The following NUP85 variants were observed in gnomAD, a reference collection of about 807,000 sequenced individuals.
NUP85 encodes nuclear pore complex protein Nup85.
A neutral mutation model predicts 92.8 loss-of-function variants in NUP85; 23 were observed. The observed-to-expected ratio is 0.25, with a 90% CI of 0.18 to 0.35. The LOEUF is 0.35. Ranked by LOEUF, NUP85 falls within the 10% of genes least tolerant of loss-of-function variation. The pLI, the probability that NUP85 is intolerant of heterozygous loss-of-function variation, is 1.00. For missense variants in NUP85, 759 were observed against 822.8 expected (o/e 0.92, Z 0.95); for synonymous variants, 314 against 306.9 (o/e 1.02, Z -0.24).
chr17:75,226,077 T>C lies in NUP85; in HGVS notation c.1014T>C (p.Gly338=). ...CCAGCCTGGACCTGTTTCTGGGAGGTGAGAGCAGCCCAGAACCCCTGGACA... is the reference window on the plus strand; with the variant it reads ...CCAGCCTGGACCTGTTTCTGGGAGGCGAGAGCAGCCCAGAACCCCTGGACA... ...AQSSLDLFLG[G]ESSPEPLDNI... is the part of the protein sequence containing the mutation. Residue 338 remains glycine (G), a synonymous_variant, in exon 11 of 19, where the codon GGT becomes GGC. Coordinates refer to ENST00000245544, the MANE Select transcript of NUP85 (RefSeq NM_024844.5). The C allele has an allele frequency of 6.2e-7, 1 of 1,614,034 alleles. No homozygotes were observed. The highest frequency in any genetic ancestry group is 8.5e-7 in the Non-Finnish European group (1 of 1,180,002).
At chr17:75,234,897 C>T (rs752693082) in intron 17 of NUP85, 109 bp downstream of exon 17, 10 of 1,353,078 alleles carry the variant, frequency 7.4e-6, no homozygotes, top group African/African-American at 2.9e-5. Context: ...TCTGCCTGTG[C>T]GCGTGTATTC....
intron 4 of NUP85, among the ~76,000 whole-genome samples, 164 bp downstream of exon 4, chr17:75,212,226 G>C (rs1264724232): frequency 1.3e-5 from 1 of 76,446 alleles, no homozygotes; most frequent in Non-Finnish European, 2.5e-5. Context: ...TAATCATTTA[G>C]AGGTTTTTTT....
In NUP85 at chr17:75,226,775, A is replaced by G. The variant is rs530372565; in HGVS notation, c.1094+618A>G. On this transcript the variant is annotated intron_variant, in intron 11 of 18. Transcript: ENST00000245544. ...TTCATTTAAAATAACATCGCGGGAA[A>G]CTACTTTGACATTTAAAATCTAGAA... 3.8e-4 allele frequency: 170 copies of G among 449,462 alleles called. 4 individuals are homozygous for G. Among genetic ancestry groups the G allele is most frequent in the Admixed American group, 1.9e-4 (8 of 41,856 alleles). The allele number at this position is 449,462 out of a possible 1,614,324, so 27.8% of individuals were successfully genotyped here.
chr17:75,235,155 C>G lies in NUP85; in HGVS notation c.1823C>G (p.Thr608Arg), dbSNP rs774581644. Residue 608 changes from threonine to arginine, a missense_variant, in exon 18 of 19, where the codon ACG becomes AGG. Coordinates refer to ENST00000245544, the MANE Select transcript of NUP85 (RefSeq NM_024844.5). The stretch of plus-strand genomic sequence containing the variant: ...TTGATGCGGTGTCTGGAGGACTTGA[C>G]GTCAAGAAGACCTGTGCATGGAGAA... ...YELMRCLEDL[T>R]SRRPVHGESD... The G allele has an allele frequency of 1.2e-6, 2 of 1,614,076 alleles. No individual in the cohort carries two copies. The highest frequency in any genetic ancestry group is 1.7e-6 in the Non-Finnish European group (2 of 1,179,970).
intron 7 of NUP85, among the ~76,000 whole-genome samples, chr17:75,219,211 G>A (rs2075525854): frequency 6.6e-6 from 1 of 152,098 alleles, no homozygotes. Context: ...CCTGGAATTC[G>A]GCCCGGCACG....
intron 5 of NUP85, among the ~76,000 whole-genome samples, 176 bp downstream of exon 5, chr17:75,213,295 G>A (rs966229547): frequency 6.6e-6 from 1 of 151,774 alleles, no homozygotes; most frequent in African/African-American, 2.4e-5. Context: ...TCACAAGGAA[G>A]TGCTTGTTAA....
intron 18 of NUP85, 166 bp downstream of exon 18, chr17:75,235,367 G>A: frequency 3.2e-6 from 2 of 618,908 alleles, no homozygotes; most frequent in Non-Finnish European, 2.8e-6. Flanking sequence ...GAGAAAATCA[G>A]GGATTCTAGT....
chr17:75,208,534 C>G lies in NUP85; in HGVS notation c.41C>G (p.Pro14Arg). ...LDGEPTVTLI[P>R]GVNSKKNQMY... ...TATGCCTTATTTTACTAGTTGATTC[C>G]AGGCGTGAATTCCAAGAAGAACCAA... Residue 14 changes from proline (P) to arginine (R), a missense_variant, in exon 2 of 19, where the codon CCA (proline) becomes CGA (arginine). Transcript: ENST00000245544. The G allele has an allele frequency of 1.3e-6, 2 of 1,573,458 alleles. No individual in the cohort carries two copies. The highest frequency in any genetic ancestry group is 2.2e-5 in the South Asian group (2 of 89,768).
Position 75,212,083 on chromosome 17 carries a change from CGCGCGTGTGTGTGT to C in NUP85, c.361+23_361+36del. 1.2e-5 allele frequency: 11 copies of C among 941,590 alleles called. 1 individual carries two copies. In the African/African-American group the frequency reaches 1.6e-4, roughly 13 times the overall value. The allele number at this position is 941,590 out of a possible 1,614,324, so 58.3% of individuals were successfully genotyped here. On this transcript the variant is annotated intron_variant, in intron 4 of 18. Coordinates refer to ENST00000245544, the MANE Select transcript of NUP85 (RefSeq NM_024844.5). ...TGCAAGTAAGGACTGTGTGCGCGTG[CGCGCGTGTGTGTGT>C]GTGTGTGTGTGTGGGTATTTTGAGT... is the stretch of plus-strand genomic sequence containing the variant.
chr17:75,231,802 T>G lies in NUP85; in HGVS notation c.1245-26T>G. On this transcript the variant is annotated intron_variant, in intron 13 of 18. Coordinates refer to ENST00000245544, the MANE Select transcript of NUP85 (RefSeq NM_024844.5). This position sits in a 1 kb window ranked among gnomAD's most constrained non-coding sequence, Gnocchi z 4.6. ...CTCGGAGCCATGAGGCAGCACCTCA[T>G]GTCTGTCCTCCTCGAACCTTTGCAG... 1 of 1,613,726 alleles carries G rather than the reference T, an allele frequency of 6.2e-7. No individual in the cohort carries two copies. Among genetic ancestry groups the G allele is most frequent in the Non-Finnish European group, 8.5e-7 (1 of 1,179,800 alleles).
At chr17:75,206,772 A>G (rs572492155) in intron 1 of NUP85, among the ~76,000 whole-genome samples, 62 of 150,074 alleles carry the variant, frequency 4.1e-4, no homozygotes, top group African/African-American at 1.4e-3. Flanking sequence ...GTCTCGGCTC[A>G]CTGTAACCTC....
chr17:75,210,130 G>C, intron 3 of NUP85, 145 bp downstream of exon 3: 6 of 674,422 alleles, frequency 8.9e-6, no homozygotes, highest in South Asian at 2.3e-5. Context: ...GTACTGGACA[G>C]TGTACATTAG....
At chr17:75,234,103 G>C (rs1158279107) in intron 16 of NUP85, among the ~76,000 whole-genome samples, 2 of 146,794 alleles carry the variant, frequency 1.4e-5, no homozygotes, top group African/African-American at 5.1e-5. Context: ...CCACGCTGGA[G>C]TGCAGTGGTA....
intron 11 of NUP85, chr17:75,226,709 T>A (rs1384950427): frequency 2.3e-6 from 1 of 438,954 alleles, no homozygotes. Flanking sequence ...CCTGGAGGCT[T>A]GAGGGCTACC....
chr17:75,209,071 CG>C (rs2075177516), intron 2 of NUP85, among the ~76,000 whole-genome samples: 1 of 151,982 alleles, frequency 6.6e-6, no homozygotes, highest in South Asian at 2.1e-4. Context: ...TGTTGAATCC[CG>C]GAAAAAAATT....
chr17:75,225,182 C>T lies in NUP85; in HGVS notation c.677C>T (p.Ser226Phe), dbSNP rs1416768582. The change falls in exon 8 of 19, where the codon TCT (serine) becomes TTT (phenylalanine). Residue 226 changes from serine to phenylalanine, a missense_variant. Coordinates refer to ENST00000245544, the MANE Select transcript of NUP85 (RefSeq NM_024844.5). ...LSKEADASPA[S>F]AGICRIMGDL... ...AAGGAAGCCGATGCCAGCCCCGCCT[C>T]TGCAGGCATATGCCGAATCATGGGG... is the stretch of plus-strand genomic sequence containing the variant. 1 of 1,610,346 alleles carries T rather than the reference C, an allele frequency of 6.2e-7. No homozygotes were observed. The highest frequency in any genetic ancestry group is 1.3e-5 in the African/African-American group (1 of 74,910).
At chr17:75,233,437 C>CTTTTT (rs60396796) in intron 16 of NUP85, among the ~76,000 whole-genome samples, 1 of 117,186 alleles carries the variant, frequency 8.5e-6, no homozygotes, top group Non-Finnish European at 1.7e-5. Context: ...TTTATTTTTT[C>CTTTTT]TTTTTTTTTT....
In NUP85 at chr17:75,218,173, C is replaced by G. The variant is rs372301001; in HGVS notation, c.476-12C>G. 9.3e-4 allele frequency: 1,499 copies of G among 1,613,766 alleles called. 25 individuals carry two copies. In the South Asian group the frequency reaches 0.016, roughly 17 times the overall value. ...TGAGGCTTTTGTGTGTGATGAGAGT[C>G]TCTCCTCCCAGCTGGCCCTCTCCTC... is the stretch of plus-strand genomic sequence containing the variant. On this transcript the variant is annotated splice_polypyrimidine_tract_variant and intron_variant, in intron 6 of 18. Transcript: ENST00000245544.
In NUP85 at chr17:75,235,094, C is replaced by G; in HGVS notation, c.1768-6C>G. On this transcript the variant is annotated splice_region_variant and splice_polypyrimidine_tract_variant and intron_variant, in intron 17 of 18. Coordinates refer to ENST00000245544, the MANE Select transcript of NUP85 (RefSeq NM_024844.5). ...GCAGCCAAGCAAGGCAGGCTCTCTT[C>G]CCTAGGTGATTTTCTCAGCAGAACA... 1 of 1,612,002 alleles carries G rather than the reference C, an allele frequency of 6.2e-7. No homozygotes were observed. The highest frequency in any genetic ancestry group is 8.5e-7 in the Non-Finnish European group (1 of 1,178,326).
Sources: allele counts gnomAD v4.1 joint callset (sites outside exome capture counted in the v4.1 genomes callset), GRCh38; gene constraint gnomAD v4.1.1; non-coding constraint Gnocchi (gnomAD v3.1); transcripts MANE v1.5; gene names NCBI Gene and HGNC (gene_info 2026-07-23, HGNC 2026-07-21).